COL22A1: variants seen among roughly 807,000 people sequenced by gnomAD.
COL22A1 encodes collagen type XXII alpha 1 chain, also known as collagen alpha-1(XXII) chain.
In COL22A1, 221 loss-of-function variants were observed where a neutral mutation model predicts 248.9. The ratio of observed to expected loss-of-function variants is 0.89; its 90% confidence interval spans 0.80 to 0.99. The LOEUF (loss-of-function observed/expected upper bound fraction) is 0.99, where lower values mean the gene tolerates loss of function less well. Among genes scored for constraint, COL22A1 ranks in the 50% least tolerant of loss-of-function variants. COL22A1 has a pLI of 0.00. For synonymous variants in COL22A1, 891 were observed against 793.4 expected (o/e 1.12, Z -2.07); for missense variants, 2,240 against 2,179.0 (o/e 1.03, Z -0.56).
intron 13 of COL22A1, 87 bp downstream of exon 13, chr8:138,780,840 C>G: frequency 8.8e-7 from 1 of 1,134,356 alleles, no homozygotes; most frequent in South Asian, 1.2e-5. Context: ...CTGGCAATGC[C>G]ACCCCACTTA....
chr8:138,882,184 G>C (rs1052886723), intron 2 of COL22A1, among the ~76,000 whole-genome samples: 1 of 151,998 alleles, frequency 6.6e-6, no homozygotes, highest in African/African-American at 2.4e-5. Flanking sequence ...TCACAACCCA[G>C]GATGTGACTG....
At chr8:138,870,126 G>C (rs1273762590) in intron 3 of COL22A1, among the ~76,000 whole-genome samples, 1 of 151,682 alleles carries the variant, frequency 6.6e-6, no homozygotes, top group African/African-American at 2.4e-5. Context: ...GTCTGTGTTT[G>C]TGTGGAGGGT....
intron 24 of COL22A1, among the ~76,000 whole-genome samples, chr8:138,724,947 C>A (rs1338515255): frequency 1.3e-5 from 2 of 152,218 alleles, no homozygotes; most frequent in Non-Finnish European, 2.9e-5. Context: ...CAGGGCCTGA[C>A]CCACTCCGTA....
chr8:138,689,001 A>C (rs1826597226), intron 36 of COL22A1, 31 bp from the exon 37 acceptor site: 1 of 1,587,460 alleles, frequency 6.3e-7, no homozygotes, highest in African/African-American at 1.3e-5. Flanking sequence ...GACATGGTGA[A>C]TTTAAAGATG....
At chr8:138,786,411 T>G (rs1229482170) in intron 12 of COL22A1, among the ~76,000 whole-genome samples, 1 of 152,182 alleles carries the variant, frequency 6.6e-6, no homozygotes, top group Non-Finnish European at 1.5e-5. Context: ...CATCCTGAGA[T>G]CCAAGCATTT....
chr8:138,664,197 GCGCGCGCGCGCGCACACA>G (rs1824251866), intron 41 of COL22A1, among the ~76,000 whole-genome samples: 1 of 70,244 alleles, frequency 1.4e-5, no homozygotes, highest in African/African-American at 5.6e-5. Flanking sequence ...CAAGGGGTGC[GCGCGCGCGCGCGCACACA>G]CACACACACA....
Position 138,812,946 on chromosome 8 carries a change from G to C in COL22A1, c.1319C>G (p.Ser440Trp), listed in dbSNP as rs1174446571. ...AELETCCDIP[S>W]GPCQVTVVTE... ...GTGCGAGAGTCTGCTCACCGGACCCGAGGGGATATCACAACAAGTCTCCAA... is the reference window on the plus strand; with the variant it reads ...GTGCGAGAGTCTGCTCACCGGACCCCAGGGGATATCACAACAAGTCTCCAA... Residue 440 changes from serine to tryptophan, a missense_variant, in exon 8 of 65, where the codon TCG (serine) becomes TGG (tryptophan). Ser to Trp is a radical substitution (Grantham distance 177, BLOSUM62 -3). Coordinates refer to ENST00000303045, the MANE Select transcript of COL22A1 (RefSeq NM_152888.3). The C allele has an allele frequency of 1.9e-6, 3 of 1,612,676 alleles. No individual in the cohort carries two copies. Among genetic ancestry groups the C allele is most frequent in the Non-Finnish European group, 1.7e-6 (2 of 1,178,908 alleles).
intron 47 of COL22A1, among the ~76,000 whole-genome samples, chr8:138,646,088 T>C (rs1822181451): frequency 6.6e-6 from 1 of 152,126 alleles, no homozygotes; most frequent in Admixed American, 6.5e-5. Flanking sequence ...TATTTTGGGG[T>C]TCAGATTATA....
chr8:138,623,866 T>TC (rs1820034333), intron 51 of COL22A1, 81 bp from the exon 52 acceptor site: 1 of 1,261,634 alleles, frequency 7.9e-7, no homozygotes, highest in African/African-American at 1.5e-5. Context: ...CAGCATGTCT[T>TC]CCTGCCCAGC....
At chr8:138,849,485 A>T (rs973733939) in intron 3 of COL22A1, among the ~76,000 whole-genome samples, 7 of 152,240 alleles carry the variant, frequency 4.6e-5, no homozygotes, top group Admixed American at 3.9e-4. Flanking sequence ...CCAAGGCCAC[A>T]CAGCTTGCAG....
At chr8:138,873,122 A>C (rs1041927255) in intron 3 of COL22A1, among the ~76,000 whole-genome samples, 2 of 152,062 alleles carry the variant, frequency 1.3e-5, no homozygotes, top group African/African-American at 4.8e-5. Flanking sequence ...CAAAAGAAAG[A>C]CTTCCACACC....
Position 138,738,612 on chromosome 8 carries a change from G to A in COL22A1, c.2086-1035C>T, listed in dbSNP as rs945029658. Among the ~76,000 whole-genome samples, 6 of 152,054 alleles carry A rather than the reference G, an allele frequency of 3.9e-5. No homozygotes were observed. The South Asian group carries it at 8.3e-4, about 21-fold the overall frequency. On this transcript the variant is annotated intron_variant, in intron 22 of 64. Coordinates refer to ENST00000303045, the MANE Select transcript of COL22A1 (RefSeq NM_152888.3). ...ATGCCCATGTTCTCATCCCATTGAC[G>A]AGTGTGCAAATCGAGGCTCAGACCT...
At chr8:138,609,822 GT>G (rs1437112480) in intron 56 of COL22A1, among the ~76,000 whole-genome samples, 8 of 151,864 alleles carry the variant, frequency 5.3e-5, no homozygotes, top group African/African-American at 1.9e-4. Context: ...GTGGGTGCCT[GT>G]GCTCTGTGCA....
At chr8:138,617,808 C>T (rs1359723764) in intron 53 of COL22A1, among the ~76,000 whole-genome samples, 1 of 152,232 alleles carries the variant, frequency 6.6e-6, no homozygotes, top group Non-Finnish European at 1.5e-5. Context: ...CTTCTCTTCT[C>T]TGGAACTCAG....
At chr8:138,907,779 G>A (rs748999897) in intron 1 of COL22A1, among the ~76,000 whole-genome samples, 3 of 152,180 alleles carry the variant, frequency 2.0e-5, no homozygotes, top group Non-Finnish European at 2.9e-5. Context: ...GCAGAAGCAC[G>A]CATGTAAAAC....
intron 7 of COL22A1, among the ~76,000 whole-genome samples, chr8:138,819,878 C>T (rs1364078924): frequency 6.6e-6 from 1 of 151,706 alleles, no homozygotes; most frequent in East Asian, 1.9e-4. Context: ...GGGTACATAC[C>T]TCCAAGAAAT....
Position 138,716,260 on chromosome 8 carries a change from G to A in COL22A1, c.2430C>T (p.Gly810=). The A allele has an allele frequency of 1.3e-6, 2 of 1,593,326 alleles. No homozygotes were observed. Among genetic ancestry groups the A allele is most frequent in the Non-Finnish European group, 8.6e-7 (1 of 1,168,236 alleles). Residue 810 remains glycine, a synonymous_variant, in exon 29 of 65, where the codon GGC becomes GGT. Coordinates refer to ENST00000303045, the MANE Select transcript of COL22A1 (RefSeq NM_152888.3). ...CTTTCTCTCCTCTCACACCTGGGAA[G>A]CCTGGAGCCCCTGGGAGGCCTGCTT... ...KGEAGLPGAP[G]FPGVRGEKGD... is the part of the protein sequence containing the mutation.
chr8:138,807,645 ACAAGCTCTGAGG>A lies in COL22A1; in HGVS notation c.1494+111_1494+122del, dbSNP rs1441565598. ...CATTTGCTCTTATCCATCTAATTTA[ACAAGCTCTGAGG>A]CAAAATATTAGCAAGGCAGCATCCC... On this transcript the variant is annotated intron_variant, in intron 10 of 64. Transcript: ENST00000303045. The A allele has an allele frequency of 1.6e-5, 14 of 896,744 alleles. No homozygotes were observed. In the African/African-American group the frequency reaches 2.4e-4, roughly 15 times the overall value. The allele number at this position is 896,744 out of a possible 1,614,324, so 55.5% of individuals were successfully genotyped here. A position where few individuals can be genotyped will look rare whatever the true frequency, so the allele number is the denominator to read the frequency against.
intron 10 of COL22A1, among the ~76,000 whole-genome samples, chr8:138,804,084 T>C (rs1490909175): frequency 6.6e-6 from 1 of 152,124 alleles, no homozygotes; most frequent in Non-Finnish European, 1.5e-5. Context: ...ATCCCAATCC[T>C]CTCTTTCCTG....
Sources: allele counts gnomAD v4.1 joint callset (sites outside exome capture counted in the v4.1 genomes callset), GRCh38; gene constraint gnomAD v4.1.1; transcripts MANE v1.5; gene names NCBI Gene and HGNC (gene_info 2026-07-23, HGNC 2026-07-21).